Variants in DLGAP2 observed in about 807,000 individuals in gnomAD.
The protein encoded by DLGAP2 is DLG associated protein 2.
Under a neutral mutation model 100.3 loss-of-function variants are expected in DLGAP2, and 26 were observed. That is an observed-to-expected ratio of 0.26 (90% CI 0.19 to 0.36). The LOEUF is 0.36. Ranked by LOEUF, DLGAP2 falls within the 10% of genes least tolerant of loss-of-function variation. The pLI, the probability that DLGAP2 is intolerant of heterozygous loss-of-function variation, is 1.00. For synonymous variants in DLGAP2, 886 were observed against 630.1 expected (o/e 1.41, Z -6.08); for missense variants, 1,858 against 1,453.2 (o/e 1.28, Z -4.53).
intron 6 of DLGAP2, among the ~76,000 whole-genome samples, chr8:1,625,089 A>C (rs2130766109): frequency 6.6e-6 from 1 of 152,222 alleles, no homozygotes; most frequent in South Asian, 2.1e-4. Context: ...TCAGAGAAAA[A>C]CCACACCAAG....
chr8:962,802 A>G (rs1191770902), intron 2 of DLGAP2, among the ~76,000 whole-genome samples: 1 of 152,072 alleles, frequency 6.6e-6, no homozygotes, highest in African/African-American at 2.4e-5. Context: ...CAGGCGCAGG[A>G]CACTTTGCTG....
intron 2 of DLGAP2, among the ~76,000 whole-genome samples, chr8:1,176,650 G>T (rs887541296): frequency 6.6e-6 from 1 of 152,176 alleles, no homozygotes; most frequent in Non-Finnish European, 1.5e-5. Flanking sequence ...TTGGAGGCTG[G>T]GCGAGAGGGC....
At chr8:1,513,911 C>G (rs1800269252) in intron 4 of DLGAP2, among the ~76,000 whole-genome samples, 1 of 152,206 alleles carries the variant, frequency 6.6e-6, no homozygotes, top group African/African-American at 2.4e-5. Context: ...TTCATCCATC[C>G]ATTTCAGCAT....
At chr8:1,436,664 T>C (rs1027466200) in intron 3 of DLGAP2, among the ~76,000 whole-genome samples, 1 of 152,184 alleles carries the variant, frequency 6.6e-6, no homozygotes, top group African/African-American at 2.4e-5. Flanking sequence ...GTTTGCAGTG[T>C]GTGTAGAGTC....
chr8:1,222,142 T>C (rs1332405149), intron 2 of DLGAP2, among the ~76,000 whole-genome samples: 1 of 152,248 alleles, frequency 6.6e-6, no homozygotes, highest in Non-Finnish European at 1.5e-5. Context: ...CATTTGGTTG[T>C]AAGAAGACAC....
In DLGAP2 at chr8:1,242,070, G is replaced by A. The variant is rs532886088; in HGVS notation, c.74-16781G>A. Among the ~76,000 whole-genome samples the A allele has an allele frequency of 2.6e-5, 4 of 152,260 alleles. No individual in the cohort carries two copies. In the South Asian group the frequency reaches 6.2e-4, roughly 24 times the overall value. ...ATATTCCAGTATAATTTGGTATAAC[G>A]GGATTTAATTTGTTTGTAGATAAAC... On this transcript the variant is annotated intron_variant, in intron 2 of 14. Transcript: ENST00000637795.
chr8:1,427,094 G>A, intron 3 of DLGAP2, among the ~76,000 whole-genome samples: 1 of 152,240 alleles, frequency 6.6e-6, no homozygotes, highest in South Asian at 2.1e-4. Flanking sequence ...CAAAATAAAA[G>A]ATAAGAAACA....
intron 2 of DLGAP2, among the ~76,000 whole-genome samples, chr8:1,257,282 G>A (rs1299674381): frequency 6.6e-6 from 1 of 152,100 alleles, no homozygotes; most frequent in African/African-American, 2.4e-5. Context: ...AGCCACCAAG[G>A]TCACCTTCCG....
chr8:896,328 G>C (rs1234782176), intron 1 of DLGAP2, among the ~76,000 whole-genome samples: 2 of 151,868 alleles, frequency 1.3e-5, no homozygotes, highest in Admixed American at 6.6e-5. Flanking sequence ...GTAGGGTTTT[G>C]TGCAGGACCT....
chr8:1,129,551 T>C (rs1218156445), intron 2 of DLGAP2, among the ~76,000 whole-genome samples: 1 of 152,148 alleles, frequency 6.6e-6, no homozygotes, highest in African/African-American at 2.4e-5. Context: ...GGAGGAGACG[T>C]TGATATTATT....
chr8:1,174,879 A>C (rs1797220657), intron 2 of DLGAP2, among the ~76,000 whole-genome samples: 1 of 152,194 alleles, frequency 6.6e-6, no homozygotes, highest in South Asian at 2.1e-4. Flanking sequence ...TGAGTGAGGG[A>C]AAGAAGGTGA....
intron 5 of DLGAP2, among the ~76,000 whole-genome samples, chr8:1,553,646 A>G (rs1334383806): frequency 6.6e-6 from 1 of 152,108 alleles, no homozygotes; most frequent in East Asian, 1.9e-4. Flanking sequence ...AGTGTTTCAG[A>G]ACCTCTCCCT....
chr8:1,382,992 C>G (rs181373159), intron 3 of DLGAP2, among the ~76,000 whole-genome samples: 1 of 152,108 alleles, frequency 6.6e-6, no homozygotes, highest in Non-Finnish European at 1.5e-5. Flanking sequence ...ATTAATCAGG[C>G]TGATACAATT....
intron 2 of DLGAP2, among the ~76,000 whole-genome samples, chr8:1,123,400 C>T (rs1796094348): frequency 6.6e-6 from 1 of 152,318 alleles, no homozygotes. Context: ...TCCACCCGGT[C>T]AGAATGAGAC....
At chr8:1,202,241 AGTGTGTGT>A (rs36230610) in intron 2 of DLGAP2, among the ~76,000 whole-genome samples, 35,893 of 149,136 alleles carry the variant, frequency 0.24, 4,439 homozygotes, top group Middle Eastern at 0.41. Context: ...GTATAGATGC[AGTGTGTGT>A]GTGTGTGTGT....
Position 757,307 on chromosome 8 carries a change from C to A in DLGAP2, c.18+19482C>A, listed in dbSNP as rs147670051. ...ATGTAAAATACCGCAATCCAGCCAACCTGCCCTCATCCAGTGATGAAGCCC... is the reference window on the plus strand; with the variant it reads ...ATGTAAAATACCGCAATCCAGCCAAACTGCCCTCATCCAGTGATGAAGCCC... On this transcript the variant is annotated intron_variant, in intron 1 of 14. Transcript: ENST00000637795. Among the ~76,000 whole-genome samples the A allele has an allele frequency of 1.3e-3, 194 of 152,342 alleles. 2 individuals are homozygous for A. The East Asian group carries it at 0.035, about 27-fold the overall frequency.
chr8:1,190,102 C>T (rs1276558254), intron 2 of DLGAP2, among the ~76,000 whole-genome samples: 3 of 152,178 alleles, frequency 2.0e-5, no homozygotes, highest in African/African-American at 7.2e-5. Context: ...CCTCTGGACT[C>T]TTACTGCTAA....
At chr8:1,421,458 C>T (rs1414067340) in intron 3 of DLGAP2, among the ~76,000 whole-genome samples, 1 of 152,158 alleles carries the variant, frequency 6.6e-6, no homozygotes, top group Non-Finnish European at 1.5e-5. Flanking sequence ...CAGGCCAACA[C>T]AATCTGAAAA....
intron 2 of DLGAP2, among the ~76,000 whole-genome samples, chr8:1,073,910 G>C (rs185253260): frequency 6.6e-6 from 1 of 152,024 alleles, no homozygotes; most frequent in Admixed American, 6.6e-5. Flanking sequence ...ACCCGGCTGC[G>C]TATTCAGGAT....
Sources: gnomAD v4.1 joint callset for allele counts (sites outside exome capture counted in the v4.1 genomes callset) on GRCh38, gnomAD v4.1.1 for gene constraint, MANE v1.5 for transcripts, NCBI Gene and HGNC (gene_info 2026-07-23, HGNC 2026-07-21) for gene names.